The following ANKRD11 variants were observed in gnomAD, a reference collection of about 807,000 sequenced individuals.
The protein encoded by ANKRD11 is ankyrin repeat domain 11.
In ANKRD11, 17 loss-of-function variants were observed where a neutral mutation model predicts 195.7. The observed-to-expected ratio is 0.09, with a 90% CI of 0.06 to 0.13. The LOEUF (loss-of-function observed/expected upper bound fraction) is 0.13. ANKRD11 is among the 10% of genes least tolerant of loss of function. ANKRD11 has a pLI of 1.00. For synonymous variants in ANKRD11, 1,953 were observed against 1,528.1 expected (o/e 1.28, Z -6.49); for missense variants, 3,735 against 3,566.1 (o/e 1.05, Z -1.21).
intron 2 of ANKRD11, among the ~76,000 whole-genome samples, chr16:89,336,412 G>A (rs1284650203): frequency 6.6e-6 from 1 of 152,276 alleles, no homozygotes; most frequent in South Asian, 2.1e-4. Context: ...GAAGGAAGGA[G>A]TCTGTTTGCT....
At chr16:89,414,595 A>G (rs1312624057) in intron 2 of ANKRD11, among the ~76,000 whole-genome samples, 1 of 152,238 alleles carries the variant, frequency 6.6e-6, no homozygotes, top group Non-Finnish European at 1.5e-5. Flanking sequence ...AAGTCTTTAC[A>G]GTAGATACGA....
At chr16:89,388,179 A>C (rs1166549673) in intron 2 of ANKRD11, among the ~76,000 whole-genome samples, 2 of 152,122 alleles carry the variant, frequency 1.3e-5, no homozygotes, top group African/African-American at 2.4e-5. Flanking sequence ...CTAATTCCAA[A>C]ATCAGCACTA....
intron 2 of ANKRD11, among the ~76,000 whole-genome samples, chr16:89,377,879 C>G (rs1355521767): frequency 2.0e-5 from 3 of 151,910 alleles, no homozygotes; most frequent in Non-Finnish European, 4.4e-5. Context: ...CCCATGAGAA[C>G]AGCATGACCA....
chr16:89,437,090 C>CGT (rs2043246411), intron 1 of ANKRD11, among the ~76,000 whole-genome samples: 1 of 152,162 alleles, frequency 6.6e-6, no homozygotes, highest in Non-Finnish European at 1.5e-5. Context: ...AACACACACC[C>CGT]AAACGGCATC....
chr16:89,465,030 A>G (rs1235749164), intron 1 of ANKRD11, among the ~76,000 whole-genome samples: 6 of 152,212 alleles, frequency 3.9e-5, no homozygotes, highest in South Asian at 2.1e-4. Context: ...AGAAAATAAC[A>G]TTTTGTGGTA....
intron 2 of ANKRD11, among the ~76,000 whole-genome samples, chr16:89,364,186 C>A (rs1227150602): frequency 6.6e-6 from 1 of 152,220 alleles, no homozygotes; most frequent in Admixed American, 6.5e-5. Flanking sequence ...CCCACGAGGA[C>A]CCTGCCACTT....
rs540088961 is a variant in ANKRD11, at chr16:89,278,763, G to C, written c.7470+309C>G. On this transcript the variant is annotated intron_variant, in intron 9 of 12. Coordinates refer to ENST00000301030, the MANE Select transcript of ANKRD11 (RefSeq NM_013275.6). ...TGGTGGACGGGGAGTGGAGAGGGGA[G>C]AGTGAGCGGCGTGAAGGGGGAGCCC... 13 of 571,612 alleles carry C rather than the reference G, an allele frequency of 2.3e-5. No individual in the cohort carries two copies. In the African/African-American group the frequency reaches 2.4e-4, roughly 11 times the overall value. 35.4% of individuals were successfully genotyped at this position (571,612 alleles called of 1,614,324 possible). A position where few individuals can be genotyped will look rare whatever the true frequency, so the allele number is the denominator to read the frequency against.
chr16:89,358,130 G>C (rs1008856345), intron 2 of ANKRD11, among the ~76,000 whole-genome samples: 16 of 152,194 alleles, frequency 1.1e-4, no homozygotes, highest in Admixed American at 8.5e-4. Flanking sequence ...TTAACAACCA[G>C]GGTGGCTGGA....
chr16:89,418,458 C>A (rs1038640742), intron 1 of ANKRD11, 90 bp from the exon 2 acceptor site: 3 of 364,710 alleles, frequency 8.2e-6, no homozygotes, highest in Non-Finnish European at 5.6e-6. Flanking sequence ...TTGGTCCACA[C>A]GGTTTATTCC....
At chr16:89,381,331 CA>C (rs10567322) in intron 2 of ANKRD11, among the ~76,000 whole-genome samples, 31 of 76,362 alleles carry the variant, frequency 4.1e-4, no homozygotes, top group Middle Eastern at 7.9e-3. Context: ...GACTCTGCTG[CA>C]AAAAAAAAAA....
intron 4 of ANKRD11, among the ~76,000 whole-genome samples, chr16:89,304,913 T>A (rs1257718043): frequency 6.6e-6 from 1 of 152,180 alleles, no homozygotes; most frequent in Non-Finnish European, 1.5e-5. Context: ...GACCCACAGG[T>A]GAGCAGCCCC....
intron 2 of ANKRD11, among the ~76,000 whole-genome samples, chr16:89,362,425 A>G (rs1056270359): frequency 2.0e-5 from 3 of 152,176 alleles, no homozygotes; most frequent in African/African-American, 7.2e-5. Flanking sequence ...CCAAACCTAA[A>G]TTGCACAGCT....
At position 89,280,586 on chromosome 16, in the gene ANKRD11, T is replaced by G; in HGVS notation, c.5956A>C (p.Arg1986=). ...AAACGCTTTGGGGACTCGGGGAATC[T>G]CTGTGGAGACTTCAGCAGGAGGTCC... The part of the protein sequence containing the change: ...GSDLLLKSPQ[R]FPESPKRFCP... Residue 1986 remains arginine (R), a synonymous_variant, in exon 9 of 13, where the codon AGA becomes CGA. Coordinates refer to ENST00000301030, the MANE Select transcript of ANKRD11 (RefSeq NM_013275.6). The G allele has an allele frequency of 6.2e-7, 1 of 1,613,424 alleles. No homozygotes were observed. Among genetic ancestry groups the G allele is most frequent in the African/African-American group, 1.3e-5 (1 of 75,010 alleles).
In ANKRD11 at chr16:89,288,609, C is replaced by A; in HGVS notation, c.663G>T (p.Leu221=). The A allele has an allele frequency of 6.2e-7, 1 of 1,614,128 alleles. No homozygotes were observed. Among genetic ancestry groups the A allele is most frequent in the Non-Finnish European group, 8.5e-7 (1 of 1,180,038 alleles). ...TGGTGTTCACCTCCGCACCTGCAGC[C>A]AGCAGCTGCTTCGCGACGTCGTAGT... ...RGYYDVAKQL[L]AAGAEVNTKG... Residue 221 remains leucine, a synonymous_variant, in exon 7 of 13, where the codon CTG becomes CTT. Transcript: ENST00000301030.
chr16:89,282,944 T>C lies in ANKRD11; in HGVS notation c.3598A>G (p.Lys1200Glu). Residue 1200 changes from lysine to glutamate, a missense_variant, in exon 9 of 13, where the codon AAA (lysine) becomes GAA (glutamate). Coordinates refer to ENST00000301030, the MANE Select transcript of ANKRD11 (RefSeq NM_013275.6). ...TTCTCCTTGTGCTTTTCAAAGACTT[T>C]CTCTTTTTTGTCTCTCCCCGCGTCG... ...AADAGRDKKE[K>E]VFEKHKEKKD... The C allele has an allele frequency of 1.9e-6, 3 of 1,613,412 alleles. No homozygotes were observed. Among genetic ancestry groups the C allele is most frequent in the Non-Finnish European group, 2.5e-6 (3 of 1,179,994 alleles).
At position 89,377,000 on chromosome 16, in the gene ANKRD11, G is replaced by T. The variant is rs143502970; in HGVS notation, c.-60+41284C>A. Among the ~76,000 whole-genome samples, 534 of 152,338 alleles carry T rather than the reference G, an allele frequency of 3.5e-3. 1 individual carries two copies. Among genetic ancestry groups the T allele is most frequent in the Non-Finnish European group, 5.5e-3 (372 of 68,032 alleles). On this transcript the variant is annotated intron_variant, in intron 2 of 12. Transcript: ENST00000301030. ...TTTGGTTTTGCAACAAGGCTGGAAA[G>T]AACCCCTTTTTCCGGACTGCTTCCA...
At chr16:89,276,512 T>C (rs1172627284) in intron 9 of ANKRD11, among the ~76,000 whole-genome samples, 4 of 152,168 alleles carry the variant, frequency 2.6e-5, no homozygotes, top group Non-Finnish European at 4.4e-5. Flanking sequence ...CTCACGCCTA[T>C]AGGCTCCTGC....
chr16:89,303,283 C>T (rs1027026359), intron 4 of ANKRD11, among the ~76,000 whole-genome samples: 2 of 152,220 alleles, frequency 1.3e-5, no homozygotes, highest in Non-Finnish European at 2.9e-5. Flanking sequence ...ATCAACATGA[C>T]GGCCTTCTAC....
At chr16:89,375,955 G>A (rs939873829) in intron 2 of ANKRD11, among the ~76,000 whole-genome samples, 4 of 152,236 alleles carry the variant, frequency 2.6e-5, no homozygotes, top group African/African-American at 9.6e-5. Flanking sequence ...TGCGTGACAC[G>A]CCGCAGCCTG....
Sources: gnomAD v4.1 joint callset for allele counts (sites outside exome capture counted in the v4.1 genomes callset) on GRCh38, gnomAD v4.1.1 for gene constraint, MANE v1.5 for transcripts, NCBI Gene and HGNC (gene_info 2026-07-23, HGNC 2026-07-21) for gene names.